The following CNTNAP2 variants were observed in gnomAD, a reference collection of about 807,000 sequenced individuals.
The protein encoded by CNTNAP2 is contactin associated protein 2.
CNTNAP2 carries 98 observed loss-of-function variants against 155.2 expected under a neutral mutation model. The ratio of observed to expected loss-of-function variants is 0.63; its 90% CI spans 0.54 to 0.75. CNTNAP2 has a LOEUF of 0.75. CNTNAP2 is among the 30% of genes least tolerant of loss of function. The pLI, the probability that CNTNAP2 is intolerant of heterozygous loss-of-function variation, is 0.00. For synonymous variants in CNTNAP2, 651 were observed against 631.2 expected (o/e 1.03, Z -0.47); for missense variants, 1,727 against 1,688.1 (o/e 1.02, Z -0.40).
intron 1 of CNTNAP2, among the ~76,000 whole-genome samples, chr7:146,483,326 T>C (rs190470049): frequency 0.012 from 962 of 79,018 alleles, 11 homozygotes; most frequent in East Asian, 0.026. Context: ...TATATATATA[T>C]ATACATATAT....
At chr7:146,500,933 G>A (rs778728919) in intron 1 of CNTNAP2, among the ~76,000 whole-genome samples, 3 of 151,996 alleles carry the variant, frequency 2.0e-5, no homozygotes, top group Non-Finnish European at 4.4e-5. Flanking sequence ...TCATGAAAGG[G>A]TGCCAGATTT....
chr7:146,737,222 G>A (rs1026446572), intron 1 of CNTNAP2, among the ~76,000 whole-genome samples: 1 of 152,034 alleles, frequency 6.6e-6, no homozygotes, highest in African/African-American at 2.4e-5. Flanking sequence ...TGTACATTGT[G>A]AAATGACTAA....
intron 8 of CNTNAP2, among the ~76,000 whole-genome samples, chr7:147,147,258 A>G (rs184612774): frequency 2.6e-5 from 4 of 152,240 alleles, no homozygotes; most frequent in Admixed American, 1.3e-4. Flanking sequence ...CCATGATCCA[A>G]TAACCTCCCA....
intron 1 of CNTNAP2, among the ~76,000 whole-genome samples, chr7:146,520,243 T>A (rs1797598234): frequency 6.7e-6 from 1 of 149,474 alleles, no homozygotes; most frequent in South Asian, 2.1e-4. Flanking sequence ...ATTGTCTTTT[T>A]AAATATTACA....
chr7:148,102,550 G>A (rs764522251), intron 15 of CNTNAP2, among the ~76,000 whole-genome samples: 5 of 152,134 alleles, frequency 3.3e-5, no homozygotes, highest in Admixed American at 6.5e-5. Flanking sequence ...ATATTGAAGC[G>A]GGAAATGTAA....
At chr7:147,197,483 A>G (rs1242571577) in intron 8 of CNTNAP2, among the ~76,000 whole-genome samples, 8 of 152,134 alleles carry the variant, frequency 5.3e-5, no homozygotes, top group African/African-American at 1.9e-4. Context: ...CTATCTCTGA[A>G]TAAGATAAGG....
chr7:148,333,444 ACACT>A (rs72343088), intron 21 of CNTNAP2, among the ~76,000 whole-genome samples: 32,441 of 138,852 alleles, frequency 0.23, 3,870 homozygotes, highest in Middle Eastern at 0.33. Flanking sequence ...GAAAAAAAAA[ACACT>A]CATTTTTTAG....
intron 17 of CNTNAP2, among the ~76,000 whole-genome samples, chr7:148,161,384 G>T (rs1462546153): frequency 6.6e-6 from 1 of 152,058 alleles, no homozygotes; most frequent in Non-Finnish European, 1.5e-5. Flanking sequence ...TGCCACCTTT[G>T]TTATTGTCTT....
intron 3 of CNTNAP2, among the ~76,000 whole-genome samples, chr7:146,934,264 A>G (rs1796857494): frequency 2.0e-5 from 3 of 152,268 alleles, no homozygotes; most frequent in African/African-American, 7.2e-5. Flanking sequence ...TGCAGCCATA[A>G]GAAATGATGA....
chr7:146,550,992 G>A (rs1297731115), intron 1 of CNTNAP2, among the ~76,000 whole-genome samples: 1 of 151,990 alleles, frequency 6.6e-6, no homozygotes, highest in Non-Finnish European at 1.5e-5. Context: ...GCATGATTGC[G>A]GGAAAATTTG....
chr7:146,415,834 A>G (rs1210912414), intron 1 of CNTNAP2, among the ~76,000 whole-genome samples: 1 of 152,186 alleles, frequency 6.6e-6, no homozygotes, highest in Non-Finnish European at 1.5e-5. Flanking sequence ...TTCTACAACT[A>G]TAAAATCAAA....
intron 4 of CNTNAP2, among the ~76,000 whole-genome samples, chr7:147,058,362 T>TTATAGA: frequency 6.6e-6 from 1 of 152,300 alleles, no homozygotes; most frequent in South Asian, 2.1e-4. Context: ...TAATATTCTA[T>TTATAGA]TATAGATATA....
chr7:146,196,157 G>A, intron 1 of CNTNAP2, among the ~76,000 whole-genome samples: 1 of 152,212 alleles, frequency 6.6e-6, no homozygotes, highest in South Asian at 2.1e-4. Flanking sequence ...TGCACAGTGA[G>A]TAATGTGGTA....
At position 148,321,713 on chromosome 7, in the gene CNTNAP2, C is replaced by T. The variant is rs376594171; in HGVS notation, c.3475+54587C>T. Among the ~76,000 whole-genome samples the T allele has an allele frequency of 1.5e-3, 234 of 152,160 alleles. 1 individual carries two copies. Among genetic ancestry groups the T allele is most frequent in the African/African-American group, 5.3e-3 (222 of 41,506 alleles). On this transcript the variant is annotated intron_variant, in intron 21 of 23. Coordinates refer to ENST00000361727, the MANE Select transcript of CNTNAP2 (RefSeq NM_014141.6). Reference sequence around the variant, plus strand: ...AAATGTGTCCAATGCAATCATCAGGCAAATAATATTTTAATGTTTTCTTGA... The same window carrying T: ...AAATGTGTCCAATGCAATCATCAGGTAAATAATATTTTAATGTTTTCTTGA...
intron 3 of CNTNAP2, among the ~76,000 whole-genome samples, chr7:146,856,666 C>A (rs1032952828): frequency 6.6e-6 from 1 of 152,160 alleles, no homozygotes. Context: ...ATAAAAATTA[C>A]AGATGAGAAG....
intron 23 of CNTNAP2, among the ~76,000 whole-genome samples, chr7:148,410,307 C>T (rs544111548): frequency 6.6e-6 from 1 of 151,972 alleles, no homozygotes; most frequent in African/African-American, 2.4e-5. Flanking sequence ...CAGTGACTTA[C>T]GCCTGTAATC....
At chr7:147,008,291 T>C (rs1037701014) in intron 3 of CNTNAP2, among the ~76,000 whole-genome samples, 4 of 152,102 alleles carry the variant, frequency 2.6e-5, no homozygotes, top group African/African-American at 9.7e-5. Flanking sequence ...TCTTCCATTA[T>C]TTCTAATATA....
chr7:147,081,895 AG>A (rs1800140154), intron 4 of CNTNAP2: 1 of 152,160 alleles, frequency 6.6e-6, no homozygotes, highest in Admixed American at 6.6e-5. Context: ...TGCTTCTAGA[AG>A]GAAATCAAAT....
At chr7:147,898,750 C>A (rs1799813116) in intron 13 of CNTNAP2, among the ~76,000 whole-genome samples, 1 of 152,056 alleles carries the variant, frequency 6.6e-6, no homozygotes, top group Non-Finnish European at 1.5e-5. Context: ...GAACTCCTGA[C>A]CTTGTGATCT....
Sources: gnomAD v4.1 joint callset for allele counts (sites outside exome capture counted in the v4.1 genomes callset) on GRCh38, gnomAD v4.1.1 for gene constraint, MANE v1.5 for transcripts, NCBI Gene and HGNC (gene_info 2026-07-23, HGNC 2026-07-21) for gene names.